Variants in SENP6 observed in about 807,000 individuals in gnomAD.
SENP6 encodes sentrin-specific protease 6.
In SENP6, 41 loss-of-function variants were observed where a neutral mutation model predicts 134.5. The ratio of observed to expected loss-of-function variants is 0.30; its 90% CI spans 0.24 to 0.40. The LOEUF is 0.40. SENP6 is among the 10% of genes least tolerant of loss of function. The pLI is 1.00. For missense variants in SENP6, 1,248 were observed against 1,312.5 expected (o/e 0.95, Z 0.76); for synonymous variants, 395 against 429.8 (o/e 0.92, Z 1.00).
intron 1 of SENP6, among the ~76,000 whole-genome samples, chr6:75,618,834 A>C (rs1768046000): frequency 2.0e-5 from 3 of 151,762 alleles, no homozygotes; most frequent in Admixed American, 2.0e-4. Context: ...TCTACTATTT[A>C]TTTACTTATG....
At chr6:75,689,536 A>G (rs1774090726) in intron 16 of SENP6, among the ~76,000 whole-genome samples, 1 of 152,214 alleles carries the variant, frequency 6.6e-6, no homozygotes, top group African/African-American at 2.4e-5. Context: ...TTTGAAATAG[A>G]ACTACAATAT....
At chr6:75,627,563 A>T (rs940187936) in intron 3 of SENP6, among the ~76,000 whole-genome samples, 1 of 152,196 alleles carries the variant, frequency 6.6e-6, no homozygotes, top group Non-Finnish European at 1.5e-5. Flanking sequence ...CAGGAGTTTG[A>T]GATCAGCCTG....
chr6:75,638,582 GTGTGTGTGTATATATATATA>G (rs1446428244), intron 5 of SENP6, among the ~76,000 whole-genome samples: 88 of 29,294 alleles, frequency 3.0e-3, no homozygotes, highest in South Asian at 7.6e-3. Flanking sequence ...GTGTGTGTGT[GTGTGTGTGTATATATATATA>G]TATATATATA....
chr6:75,673,450 A>G (rs1413448585), intron 11 of SENP6, among the ~76,000 whole-genome samples: 1 of 148,946 alleles, frequency 6.7e-6, no homozygotes, highest in African/African-American at 2.5e-5. Context: ...CAGCCTCTTG[A>G]GTAGCTGAGA....
At chr6:75,691,607 G>GT (rs11344996) in intron 16 of SENP6, among the ~76,000 whole-genome samples, 147 of 148,672 alleles carry the variant, frequency 9.9e-4, no homozygotes, top group Admixed American at 3.2e-3. Context: ...TTTGTTTTTT[G>GT]TTTTTTTTTT....
chr6:75,647,103 G>A (rs192274070), intron 6 of SENP6, among the ~76,000 whole-genome samples: 9 of 152,194 alleles, frequency 5.9e-5, no homozygotes, highest in African/African-American at 2.2e-4. Context: ...ATTTAGAGTA[G>A]GAAAGTAGCT....
At chr6:75,659,452 G>T in intron 8 of SENP6, 45 bp downstream of exon 8, 1 of 1,507,264 alleles carries the variant, frequency 6.6e-7, no homozygotes, top group South Asian at 1.2e-5. Context: ...ATTGTGTTTT[G>T]ATTAATATTA....
At chr6:75,662,693 T>C (rs2149864416) in intron 8 of SENP6, among the ~76,000 whole-genome samples, 1 of 152,330 alleles carries the variant, frequency 6.6e-6, no homozygotes, top group South Asian at 2.1e-4. Flanking sequence ...CATATGGTAA[T>C]AGCTCAGAAC....
intron 7 of SENP6, among the ~76,000 whole-genome samples, chr6:75,655,459 C>T (rs912491898): frequency 1.3e-4 from 20 of 152,158 alleles, no homozygotes; most frequent in Non-Finnish European, 2.5e-4. Flanking sequence ...CACAGTTAGT[C>T]CCTACCTCTT....
At chr6:75,677,354 T>A in intron 14 of SENP6, 98 bp downstream of exon 14, 2 of 840,540 alleles carry the variant, frequency 2.4e-6, no homozygotes, top group Non-Finnish European at 3.6e-6. Flanking sequence ...GTGTTAAATC[T>A]TTTTAATTTT....
chr6:75,665,479 A>T (rs1772130801), intron 9 of SENP6, among the ~76,000 whole-genome samples: 1 of 152,210 alleles, frequency 6.6e-6, no homozygotes, highest in Non-Finnish European at 1.5e-5. Flanking sequence ...GGGCCAGATT[A>T]TGTAAATTTA....
At chr6:75,711,965 G>A (rs555120272) in intron 21 of SENP6, among the ~76,000 whole-genome samples, 26 of 152,268 alleles carry the variant, frequency 1.7e-4, no homozygotes, top group African/African-American at 4.1e-4. Context: ...GACCCATCGC[G>A]CCCGGCCACA....
chr6:75,627,209 A>T lies in SENP6; in HGVS notation c.207+3249A>T, dbSNP rs565411495. On this transcript the variant is annotated intron_variant, in intron 3 of 23. Coordinates refer to ENST00000447266, the MANE Select transcript of SENP6 (RefSeq NM_015571.4). Reference sequence around the variant, plus strand: ...ACTCCTGACCTCAGATGATCTACCCACCTTGGCCTCCCAAAGTGCTGAGAT... The same window carrying T: ...ACTCCTGACCTCAGATGATCTACCCTCCTTGGCCTCCCAAAGTGCTGAGAT... 2.6e-5 allele frequency among the ~76,000 whole-genome samples: 4 copies of T among 152,186 alleles called. 1 individual carries two copies. The South Asian group carries it at 8.3e-4, about 32-fold the overall frequency.
At chr6:75,693,537 T>TA (rs1335839060) in intron 16 of SENP6, among the ~76,000 whole-genome samples, 2 of 152,102 alleles carry the variant, frequency 1.3e-5, no homozygotes, top group African/African-American at 4.8e-5. Flanking sequence ...GTTTTGAAGA[T>TA]ACTATTGTAG....
intron 6 of SENP6, among the ~76,000 whole-genome samples, 180 bp downstream of exon 6, chr6:75,640,884 A>AC (rs751767842): frequency 2.0e-5 from 3 of 152,210 alleles, no homozygotes; most frequent in Non-Finnish European, 4.4e-5. Context: ...ATATATCAAT[A>AC]CAGGTATACA....
chr6:75,713,377 C>A, intron 21 of SENP6, 136 bp from the exon 22 acceptor site: 1 of 599,738 alleles, frequency 1.7e-6, no homozygotes, highest in Non-Finnish European at 2.9e-6. Context: ...CATTTTTTTT[C>A]CCTCAGTAGT....
chr6:75,614,669 T>C (rs1767716242), intron 1 of SENP6, among the ~76,000 whole-genome samples: 1 of 152,200 alleles, frequency 6.6e-6, no homozygotes, highest in Non-Finnish European at 1.5e-5. Context: ...TCAGCATCCA[T>C]TGATGATTCA....
intron 1 of SENP6, among the ~76,000 whole-genome samples, 169 bp downstream of exon 1, chr6:75,602,745 G>A (rs1461315953): frequency 6.6e-6 from 1 of 152,186 alleles, no homozygotes. Context: ...CCTGGTTCGA[G>A]TCCGCCTAGG....
At chr6:75,690,792 T>C (rs1439965525) in intron 16 of SENP6, among the ~76,000 whole-genome samples, 3 of 151,186 alleles carry the variant, frequency 2.0e-5, no homozygotes, top group Non-Finnish European at 2.9e-5. Flanking sequence ...GCCTCACGGG[T>C]TCATGCCATT....
Sources: allele counts gnomAD v4.1 joint callset (sites outside exome capture counted in the v4.1 genomes callset), GRCh38; gene constraint gnomAD v4.1.1; transcripts MANE v1.5; gene names NCBI Gene and HGNC (gene_info 2026-07-23, HGNC 2026-07-21).